The following DNA2 variants were observed in gnomAD, a reference collection of about 807,000 sequenced individuals.
The protein encoded by DNA2 is DNA replication helicase/nuclease 2, also known as DNA replication ATP-dependent helicase/nuclease DNA2.
In DNA2, 101 loss-of-function variants were observed where a neutral mutation model predicts 119.1. That is an observed-to-expected ratio of 0.85 (90% confidence interval 0.72 to 1.00). The LOEUF (loss-of-function observed/expected upper bound fraction) is 1.00. DNA2 is among the 50% of genes least tolerant of loss of function. The probability of loss-of-function intolerance (pLI) is 0.00; values close to 1 mark genes in which losing one functional copy is unlikely to be tolerated. For synonymous variants in DNA2, 366 were observed against 424.4 expected (o/e 0.86, Z 1.69); for missense variants, 1,121 against 1,255.5 (o/e 0.89, Z 1.62).
intron 5 of DNA2, among the ~76,000 whole-genome samples, chr10:68,451,469 G>A (rs913280007): frequency 6.6e-6 from 1 of 152,080 alleles, no homozygotes; most frequent in Non-Finnish European, 1.5e-5. Context: ...CATTTTCAGA[G>A]CAGTTACGGT....
chr10:68,436,010 C>T (rs2051884245), intron 10 of DNA2, among the ~76,000 whole-genome samples: 1 of 152,114 alleles, frequency 6.6e-6, no homozygotes, highest in South Asian at 2.1e-4. Flanking sequence ...CTAAACAAAA[C>T]TTTAGCAGTT....
intron 4 of DNA2, among the ~76,000 whole-genome samples, chr10:68,461,936 C>T (rs1325181682): frequency 6.7e-6 from 1 of 149,028 alleles, no homozygotes; most frequent in African/African-American, 2.5e-5. Flanking sequence ...AGACACCTTA[C>T]CTCAAAAAAA....
chr10:68,470,842 A>C (rs10509303), intron 1 of DNA2, among the ~76,000 whole-genome samples: 26,962 of 152,106 alleles, frequency 0.18, 2,887 homozygotes, highest in African/African-American at 0.3. Context: ...AACCTGCTAA[A>C]GTAATGCCGG....
At chr10:68,433,978 G>A (rs1015872399) in intron 10 of DNA2, among the ~76,000 whole-genome samples, 4 of 152,124 alleles carry the variant, frequency 2.6e-5, no homozygotes, top group African/African-American at 4.8e-5. Flanking sequence ...TTAGCTCTTC[G>A]AAAAGGCTTC....
At chr10:68,441,415 G>A (rs2051967232) in intron 9 of DNA2, among the ~76,000 whole-genome samples, 1 of 151,136 alleles carries the variant, frequency 6.6e-6, no homozygotes, top group Admixed American at 6.6e-5. Context: ...ATCCCACAAG[G>A]ACTATGAAAT....
At chr10:68,457,121 G>C (rs539766791) in intron 5 of DNA2, among the ~76,000 whole-genome samples, 2 of 148,608 alleles carry the variant, frequency 1.3e-5, no homozygotes, top group African/African-American at 5.0e-5. Flanking sequence ...GCAACAGAGC[G>C]AGACTCCATC....
At chr10:68,465,386 T>A (rs571811000) in intron 4 of DNA2, among the ~76,000 whole-genome samples, 1 of 152,284 alleles carries the variant, frequency 6.6e-6, no homozygotes, top group African/African-American at 2.4e-5. Context: ...TATCACACTG[T>A]TTCTAGAACT....
rs779371967 is a variant in DNA2 at position 68,450,145 on chromosome 10, G to C, written c.822C>G (p.Gly274=). The C allele has an allele frequency of 3.2e-5, 51 of 1,607,184 alleles. 1 individual carries two copies. Among genetic ancestry groups the C allele is most frequent in the African/African-American group, 4.0e-5 (3 of 74,616 alleles). ...SIWSPRFGLK[G]KIDVTVGVKI... is the part of the protein sequence containing the mutation. ...TCACACCAACTGTAACATCTATTTTGCCTTTCAATCCAAACCTAGGGGACC... is the reference window on the plus strand; with the variant it reads ...TCACACCAACTGTAACATCTATTTTCCCTTTCAATCCAAACCTAGGGGACC... The change falls in exon 6 of 21, where the codon GGC becomes GGG. Residue 274 remains glycine, a synonymous_variant. Coordinates refer to ENST00000358410, the MANE Select transcript of DNA2 (RefSeq NM_001080449.3).
intron 14 of DNA2, among the ~76,000 whole-genome samples, chr10:68,423,988 C>T (rs11814378): frequency 0.094 from 14,297 of 152,140 alleles, 1,000 homozygotes; most frequent in South Asian, 0.24. Context: ...TAATTAAAGA[C>T]GAACCAGGAA....
chr10:68,468,475 C>T (rs1274504387), intron 2 of DNA2, among the ~76,000 whole-genome samples, 169 bp from the exon 3 acceptor site: 2 of 152,060 alleles, frequency 1.3e-5, no homozygotes, highest in Non-Finnish European at 2.9e-5. Flanking sequence ...ATACAGTCTT[C>T]TAAAACAACC....
chr10:68,430,760 T>C, intron 13 of DNA2, 100 bp from the exon 14 acceptor site: 1 of 927,992 alleles, frequency 1.1e-6, no homozygotes, highest in Non-Finnish European at 1.6e-6. Context: ...ATCTAAGAGC[T>C]GAGCCAAGTA....
rs1256758086 is a variant in DNA2 at position 68,450,281 on chromosome 10, A to G, written c.720-34T>C. On this transcript the variant is annotated intron_variant, in intron 5 of 20. Coordinates refer to ENST00000358410, the MANE Select transcript of DNA2 (RefSeq NM_001080449.3). ...AAAAAAAGCACAAAAACACTTAATT[A>G]GAACTCTTAGCTCATTTCACATCTG... The G allele has an allele frequency of 3.4e-6, 5 of 1,459,024 alleles. No individual in the cohort carries two copies. In the African/African-American group the frequency reaches 5.6e-5, roughly 16 times the overall value. 90.4% of individuals were successfully genotyped at this position (1,459,024 alleles called of 1,614,324 possible). A position where few individuals can be genotyped will look rare whatever the true frequency, so the allele number is the denominator to read the frequency against.
chr10:68,415,275 CTTTT>C (rs549702509), intron 20 of DNA2, among the ~76,000 whole-genome samples, 168 bp from the exon 21 acceptor site: 1 of 138,850 alleles, frequency 7.2e-6, no homozygotes, highest in Admixed American at 7.3e-5. Context: ...AGTTATTTAT[CTTTT>C]TTTTTTTTTT....
At position 68,450,057 on chromosome 10, in the gene DNA2, C is replaced by A; in HGVS notation, c.910G>T (p.Glu304Ter). 3.1e-6 allele frequency: 5 copies of A among 1,594,660 alleles called. No individual in the cohort carries two copies. Among genetic ancestry groups the A allele is most frequent in the Non-Finnish European group, 4.3e-6 (5 of 1,169,458 alleles). ...IMPLELKTGK[E>*]SNSIEHRSQV... ...CTACGGTGTTCAATAGAATTTGATT[C>A]TTTGCCAGTTTTAAGTTCCAGCGGC... Residue 304 changes from glutamate to a stop codon, truncating the protein, a stop_gained, in exon 6 of 21, where the codon GAA becomes TAA. Coordinates refer to ENST00000358410, the MANE Select transcript of DNA2 (RefSeq NM_001080449.3). LOFTEE classifies it high-confidence loss of function.
Position 68,444,836 on chromosome 10 carries a change from A to G in DNA2, c.1220+85T>C, listed in dbSNP as rs2052016957. The G allele has an allele frequency of 2.1e-5, 19 of 900,422 alleles. No individual in the cohort carries two copies. In the South Asian group the frequency reaches 2.9e-4, roughly 14 times the overall value. The allele number at this position is 900,422 out of a possible 1,614,324, so 55.8% of individuals were successfully genotyped here. On this transcript the variant is annotated intron_variant, in intron 8 of 20. Transcript: ENST00000358410. ...GAAAAATAACTAAAATGATGTTATC[A>G]ATGCCCGTCTGGCCACCAGTGTTAA...
intron 6 of DNA2, among the ~76,000 whole-genome samples, chr10:68,447,379 G>T (rs1203211116): frequency 1.3e-5 from 2 of 151,680 alleles, no homozygotes; most frequent in Admixed American, 1.3e-4. Context: ...TTAGCCGGGT[G>T]TGATGGCACA....
At position 68,416,706 on chromosome 10, in the gene DNA2, T is replaced by C. The variant is rs1057294396; in HGVS notation, c.3114+3A>G. On this transcript the variant is annotated splice_donor_region_variant and intron_variant, in intron 20 of 20. Coordinates refer to ENST00000358410, the MANE Select transcript of DNA2 (RefSeq NM_001080449.3). ...GTGACCATATACAGAAGAAAAAGGATATTAATTTTTCTGAGTTTAAATGAT... is the reference window on the plus strand; with the variant it reads ...GTGACCATATACAGAAGAAAAAGGACATTAATTTTTCTGAGTTTAAATGAT... The C allele has an allele frequency of 6.2e-7, 1 of 1,610,518 alleles. No homozygotes were observed. The highest frequency in any genetic ancestry group is 8.5e-7 in the Non-Finnish European group (1 of 1,176,946).
rs1470314119 is a variant in DNA2 at position 68,465,740 on chromosome 10, T to G, written c.514A>C (p.Asn172His). 1 of 1,609,196 alleles carries G rather than the reference T, an allele frequency of 6.2e-7. No homozygotes were observed. The highest frequency in any genetic ancestry group is 8.5e-7 in the Non-Finnish European group (1 of 1,177,824). ...TGTAGCTTTTCTGGGGCAAAGCTAT[T>G]ATTTATGGCTTTTTGAAACACCTCA... ...LHEVFQKAIN[N>H]SFAPEKLQEL... The change falls in exon 4 of 21, where the codon AAT becomes CAT. Residue 172 changes from asparagine (N) to histidine (H), a missense_variant. Transcript: ENST00000358410.
In DNA2 at chr10:68,424,639, G is replaced by A. The variant is rs570163678; in HGVS notation, c.2209-1749C>T. The A allele has an allele frequency of 1.0e-4, 162 of 1,596,346 alleles. 1 individual carries two copies. In the South Asian group the frequency reaches 1.4e-3, roughly 14 times the overall value. ...TTCCATGCCCCCTTGCACGTGCACC[G>A]GAAGATCATGTCATCCCCGCTCTCC... On this transcript the variant is annotated intron_variant, in intron 14 of 20. Transcript: ENST00000358410.
Sources: allele counts gnomAD v4.1 joint callset (sites outside exome capture counted in the v4.1 genomes callset), GRCh38; gene constraint gnomAD v4.1.1; transcripts MANE v1.5; gene names NCBI Gene and HGNC (gene_info 2026-07-23, HGNC 2026-07-21).